The following WDR19 variants were observed in gnomAD, a reference collection of about 807,000 sequenced individuals.
WDR19 encodes WD repeat domain 19.
In WDR19, 121 loss-of-function variants were observed where a neutral mutation model predicts 180.0. The ratio of observed to expected loss-of-function variants is 0.67; its 90% CI spans 0.58 to 0.78. WDR19 has a LOEUF of 0.78. Ranked by LOEUF, WDR19 falls within the 30% of genes least tolerant of loss-of-function variation. WDR19 has a pLI of 0.00. For synonymous variants in WDR19, 497 were observed against 540.7 expected, an observed-to-expected ratio of 0.92 and a Z score of 1.12; for missense variants, 1,450 against 1,640.7, an observed-to-expected ratio of 0.88 and a Z score of 2.01.
intron 34 of WDR19, among the ~76,000 whole-genome samples, chr4:39,277,349 G>C (rs1188096195): frequency 6.6e-6 from 1 of 152,160 alleles, no homozygotes. Context: ...ATCACTGCAG[G>C]ACCAAATAGC....
At chr4:39,280,101 G>T (rs1214430771) in intron 36 of WDR19, among the ~76,000 whole-genome samples, 8 of 128,622 alleles carry the variant, frequency 6.2e-5, no homozygotes, top group African/African-American at 2.2e-4. Context: ...TTTTTTGTGG[G>T]TTTTTTTCCC....
chr4:39,205,997 A>G (rs1023934086), intron 9 of WDR19: 16 of 316,418 alleles, frequency 5.1e-5, no homozygotes, highest in African/African-American at 2.4e-4. Flanking sequence ...GAGTACAGCT[A>G]TAAAACGTGA....
intron 34 of WDR19, 155 bp downstream of exon 34, chr4:39,277,298 T>A: frequency 1.2e-6 from 1 of 851,426 alleles, no homozygotes; most frequent in Non-Finnish European, 1.7e-6. Context: ...TCAATACAGT[T>A]AAAGGTGATA....
Position 39,277,003 on chromosome 4 carries a change from A to T in WDR19, c.3717-17A>T. On this transcript the variant is annotated splice_polypyrimidine_tract_variant and intron_variant, in intron 33 of 36. Coordinates refer to ENST00000399820, the MANE Select transcript of WDR19 (RefSeq NM_025132.4). Reference sequence around the variant, plus strand: ...GAATAAAACGGCATTTTTAAATGACATGATTCTTCCTCACAGGAGACCCGA... The same window carrying T: ...GAATAAAACGGCATTTTTAAATGACTTGATTCTTCCTCACAGGAGACCCGA... The T allele has an allele frequency of 1.2e-6, 2 of 1,610,688 alleles. No homozygotes were observed. Among genetic ancestry groups the T allele is most frequent in the Admixed American group, 1.7e-5 (1 of 59,146 alleles).
At chr4:39,237,678 A>G (rs540503998) in intron 20 of WDR19, 2 of 152,352 alleles carry the variant, frequency 1.3e-5, no homozygotes, top group African/African-American at 4.8e-5. Flanking sequence ...TCTTGATTTC[A>G]GTTTGCCACA....
At chr4:39,252,823 GA>G (rs919251703) in intron 24 of WDR19, among the ~76,000 whole-genome samples, 8 of 151,692 alleles carry the variant, frequency 5.3e-5, no homozygotes, top group Admixed American at 2.0e-4. Flanking sequence ...CTATAATTGT[GA>G]AAAAAATCTA....
chr4:39,248,831 C>G (rs951223203), intron 24 of WDR19, among the ~76,000 whole-genome samples: 12 of 152,332 alleles, frequency 7.9e-5, no homozygotes, highest in Admixed American at 2.6e-4. Context: ...GCAGCCAATA[C>G]AGGAGCACCC....
intron 24 of WDR19, among the ~76,000 whole-genome samples, chr4:39,250,042 A>G (rs1038798939): frequency 7.0e-4 from 107 of 152,264 alleles, no homozygotes; most frequent in African/African-American, 2.5e-3. Flanking sequence ...GACACAACGA[A>G]AAAAGAGAAT....
At chr4:39,247,732 T>C (rs1047593376) in intron 24 of WDR19, among the ~76,000 whole-genome samples, 8 of 152,122 alleles carry the variant, frequency 5.3e-5, no homozygotes, top group Non-Finnish European at 1.0e-4. Flanking sequence ...ACCGATGTGA[T>C]CAACTGGAAG....
intron 1 of WDR19, among the ~76,000 whole-genome samples, chr4:39,184,549 C>T (rs1560468511): frequency 6.6e-6 from 1 of 152,106 alleles, no homozygotes; most frequent in African/African-American, 2.4e-5. Context: ...TCACTGCAAC[C>T]TCCACCTCCC....
intron 34 of WDR19, 34 bp from the exon 35 acceptor site, chr4:39,278,097 A>G: frequency 1.9e-6 from 3 of 1,544,250 alleles, no homozygotes; most frequent in Non-Finnish European, 2.6e-6. Flanking sequence ...TTTAAAATAA[A>G]GATGAATTTA....
chr4:39,186,595 A>G lies in WDR19; in HGVS notation c.155A>G (p.Asn52Ser). ...DRHGQKRSEINLPGNCVAMDW... is the reference protein window; with the variant it reads ...DRHGQKRSEISLPGNCVAMDW... ...CATGGTCAAAAAAGAAGTGAAATTAACTTACCTGGGTAAGTACAGAAGTAG... is the reference window on the plus strand; with the variant it reads ...CATGGTCAAAAAAGAAGTGAAATTAGCTTACCTGGGTAAGTACAGAAGTAG... The change falls in exon 3 of 37, where the codon AAC becomes AGC. Residue 52 changes from asparagine to serine, a missense_variant. Asn to Ser is a conservative substitution (Grantham distance 46). Coordinates refer to ENST00000399820, the MANE Select transcript of WDR19 (RefSeq NM_025132.4). The G allele has an allele frequency of 6.3e-7, 1 of 1,581,298 alleles. No individual in the cohort carries two copies. Among genetic ancestry groups the G allele is most frequent in the African/African-American group, 1.4e-5 (1 of 72,906 alleles).
In WDR19 at chr4:39,253,916, C is replaced by G; in HGVS notation, c.2887C>G (p.Gln963Glu). 1 of 1,597,074 alleles carries G rather than the reference C, an allele frequency of 6.3e-7. No homozygotes were observed. Among genetic ancestry groups the G allele is most frequent in the Non-Finnish European group, 8.5e-7 (1 of 1,171,636 alleles). Residue 963 changes from glutamine (Q) to glutamate (E), a missense_variant, in exon 26 of 37, where the codon CAG (glutamine) becomes GAG (glutamate). Transcript: ENST00000399820. The stretch of plus-strand genomic sequence containing the variant: ...AGTACTTTGCTTTAGGTTTTTTCTA[C>G]AGCTTGGTGACTATGGGTCTGCCAT... ...GAKMVARFFLQLGDYGSAIQF... is the reference protein window; with the variant it reads ...GAKMVARFFLELGDYGSAIQF...
intron 7 of WDR19, among the ~76,000 whole-genome samples, chr4:39,204,184 C>T (rs1467596704): frequency 6.6e-6 from 1 of 151,844 alleles, no homozygotes; most frequent in Admixed American, 6.6e-5. Flanking sequence ...CTCCTAGGTT[C>T]AAGCGATTCT....
chr4:39,250,701 T>G (rs1199025396), intron 24 of WDR19, among the ~76,000 whole-genome samples: 10 of 152,198 alleles, frequency 6.6e-5, no homozygotes, highest in Non-Finnish European at 1.0e-4. Flanking sequence ...CAAGCATTCT[T>G]ATACACCAAT....
intron 20 of WDR19, among the ~76,000 whole-genome samples, chr4:39,237,035 G>A (rs1731452279): frequency 6.6e-6 from 1 of 152,140 alleles, no homozygotes; most frequent in Non-Finnish European, 1.5e-5. Flanking sequence ...TTTTGTACAT[G>A]TATGTGTAAT....
intron 15 of WDR19, among the ~76,000 whole-genome samples, chr4:39,226,287 G>A (rs968264565): frequency 1.3e-5 from 2 of 152,196 alleles, no homozygotes; most frequent in Non-Finnish European, 2.9e-5. Flanking sequence ...TCCATTTACA[G>A]TTCTCTTTTT....
At chr4:39,255,066 C>CA (rs1733616921) in intron 26 of WDR19, among the ~76,000 whole-genome samples, 1 of 151,990 alleles carries the variant, frequency 6.6e-6, no homozygotes, top group African/African-American at 2.4e-5. Flanking sequence ...TTAGAGAAAA[C>CA]AGAGTTAAAA....
intron 20 of WDR19, 44 bp from the exon 21 acceptor site, chr4:39,240,233 A>C (rs1477558824): frequency 9.5e-7 from 1 of 1,055,718 alleles, no homozygotes; most frequent in Non-Finnish European, 1.3e-6. Flanking sequence ...AAATTCTAAA[A>C]TATATATTAA....
Sources: gnomAD v4.1 joint callset for allele counts (sites outside exome capture counted in the v4.1 genomes callset) on GRCh38, gnomAD v4.1.1 for gene constraint, MANE v1.5 for transcripts, NCBI Gene and HGNC (gene_info 2026-07-23, HGNC 2026-07-21) for gene names.